The following SIGLEC10 variants were observed in gnomAD, a reference collection of about 807,000 sequenced individuals.
The protein encoded by SIGLEC10 is sialic acid-binding Ig-like lectin 10.
A neutral mutation model predicts 68.3 loss-of-function variants in SIGLEC10; 45 were observed. That is an observed-to-expected ratio of 0.66 (90% CI 0.52 to 0.84). SIGLEC10 has a LOEUF of 0.84. SIGLEC10 is among the 40% of genes least tolerant of loss of function. SIGLEC10 has a pLI of 0.00. For missense variants in SIGLEC10, 789 were observed against 883.1 expected, an observed-to-expected ratio of 0.89 and a Z score of 1.35; for synonymous variants, 379 against 370.8, an observed-to-expected ratio of 1.02 and a Z score of -0.26.
Position 51,413,729 on chromosome 19 carries a change from G to A in SIGLEC10, c.1804C>T (p.Pro602Ser), listed in dbSNP as rs1988223521. ...ACACTCACCAGGGGGCCAGCCGTCG[G>A]GACCACATTGATGTAATCCAGGATC... Reference protein sequence around the residue: ...STILDYINVVPTAGPLAQKRN... With the variant: ...STILDYINVVSTAGPLAQKRN... Residue 602 changes from proline to serine, a missense_variant, in exon 10 of 11, where the codon CCG (proline) becomes TCG (serine). Pro to Ser is a moderately conservative substitution (Grantham distance 74). Coordinates refer to ENST00000339313, the MANE Select transcript of SIGLEC10 (RefSeq NM_033130.5). 2.5e-6 allele frequency: 4 copies of A among 1,614,118 alleles called. No individual in the cohort carries two copies. In the East Asian group the frequency reaches 6.7e-5, roughly 27 times the overall value.
At position 51,415,158 on chromosome 19, in the gene SIGLEC10, G is replaced by A. The variant is rs778816564; in HGVS notation, c.1330+23C>T. On this transcript the variant is annotated intron_variant, in intron 7 of 10. Transcript: ENST00000339313. ...AGCAGGGTCCCCTTCCTGGGACCCAGGTGTCCCCTTTCCCCCACTCACAGT... is the reference window on the plus strand; with the variant it reads ...AGCAGGGTCCCCTTCCTGGGACCCAAGTGTCCCCTTTCCCCCACTCACAGT... 8.2e-6 allele frequency: 13 copies of A among 1,585,686 alleles called. No homozygotes were observed. In the Admixed American group the frequency reaches 1.6e-4, roughly 19 times the overall value.
rs147262386 is a variant in SIGLEC10, at chr19:51,415,297, G to A, written c.1214C>T (p.Ser405Leu). 7.4e-6 allele frequency: 12 copies of A among 1,613,942 alleles called. No individual in the cohort carries two copies. Among genetic ancestry groups the A allele is most frequent in the African/African-American group, 2.7e-5 (2 of 74,918 alleles). The change falls in exon 7 of 11, where the codon TCA becomes TTA. Residue 405 changes from serine (S) to leucine (L), a missense_variant. Ser to Leu is a moderately radical substitution (Grantham distance 145). Coordinates refer to ENST00000339313, the MANE Select transcript of SIGLEC10 (RefSeq NM_033130.5). Reference protein sequence around the residue: ...RGQVLSPSQPSDPGVLELPRV... With the variant: ...RGQVLSPSQPLDPGVLELPRV... ...AGGCAGCTCCAGGACCCCGGGGTCTGAGGGCTGGGAGGGGCTCAGAACCTG... is the reference window on the plus strand; with the variant it reads ...AGGCAGCTCCAGGACCCCGGGGTCTAAGGGCTGGGAGGGGCTCAGAACCTG...
At position 51,416,752 on chromosome 19, in the gene SIGLEC10, T is replaced by C. The variant is rs1988720940; in HGVS notation, c.620A>G (p.Gln207Arg). The C allele has an allele frequency of 3.7e-6, 6 of 1,614,076 alleles. No homozygotes were observed. Among genetic ancestry groups the C allele is most frequent in the Non-Finnish European group, 5.1e-6 (6 of 1,180,032 alleles). The change falls in exon 3 of 11, where the codon CAG becomes CGG. Residue 207 changes from glutamine to arginine, a missense_variant. Physicochemically the swap from Gln to Arg is conservative, Grantham distance 43 (BLOSUM62 1). Transcript: ENST00000339313. ...GCAGGTGAGGTCGGTGTTGTGGTCC[T>C]GGGGTCTGGGCGTGAAGCTGAGCAC... ...FSVLSFTPRP[Q>R]DHNTDLTCHV...
Position 51,410,953 on chromosome 19 carries a change from T to G in SIGLEC10, c.*146A>C. On this transcript the variant is annotated 3_prime_UTR_variant, in exon 11 of 11. Transcript: ENST00000339313. Reference sequence around the variant, plus strand: ...CGTGAGCCACTGTGCCCTGGCCAGATGTTTTTTTAAAAGAGAGAGAAAGAG... The same window carrying G: ...CGTGAGCCACTGTGCCCTGGCCAGAGGTTTTTTTAAAAGAGAGAGAAAGAG... 1.0e-6 allele frequency: 1 copy of G among 991,954 alleles called. No homozygotes were observed. Among genetic ancestry groups the G allele is most frequent in the Non-Finnish European group, 1.5e-6 (1 of 680,610 alleles). 61.4% of individuals were successfully genotyped at this position (991,954 alleles called of 1,614,324 possible). A position where few individuals can be genotyped will look rare whatever the true frequency, so the allele number is the denominator to read the frequency against.
In SIGLEC10 at chr19:51,417,635, C is replaced by T. The variant is rs946292861; in HGVS notation, c.-54G>A. 4 of 1,609,132 alleles carry T rather than the reference C, an allele frequency of 2.5e-6. No individual in the cohort carries two copies. Among genetic ancestry groups the T allele is most frequent in the African/African-American group, 1.3e-5 (1 of 74,820 alleles). On this transcript the variant is annotated 5_prime_UTR_variant, in exon 1 of 11. Transcript: ENST00000339313. ...GAGACAGGCCTGTTCTCTGGTCGTG[C>T]TGTGAGTGGCTCAGGGCTCTTGGCA...
Position 51,414,356 on chromosome 19 carries a change from G to T in SIGLEC10, c.1709+66C>A. The T allele has an allele frequency of 1.5e-6, 2 of 1,378,970 alleles. No homozygotes were observed. Among genetic ancestry groups the T allele is most frequent in the Non-Finnish European group, 2.0e-6 (2 of 978,024 alleles). The allele number at this position is 1,378,970 out of a possible 1,614,324, so 85.4% of individuals were successfully genotyped here. On this transcript the variant is annotated intron_variant, in intron 9 of 10. Coordinates refer to ENST00000339313, the MANE Select transcript of SIGLEC10 (RefSeq NM_033130.5). This position sits in a 1 kb window ranked among gnomAD's most constrained non-coding sequence, Gnocchi z 4.1. The stretch of plus-strand genomic sequence containing the variant: ...GTTGATCACGACCTTCACTCTTTCG[G>T]CCTGCAACACCTCCCCTCTTCCTGG...
Position 51,411,217 on chromosome 19 carries a change from T to G in SIGLEC10, c.1976A>C (p.Gln659Pro). Residue 659 changes from glutamine (Q) to proline (P), a missense_variant, in exon 11 of 11, where the codon CAG (glutamine) becomes CCG (proline). Coordinates refer to ENST00000339313, the MANE Select transcript of SIGLEC10 (RefSeq NM_033130.5). The part of the protein sequence containing the change: ...PKSSTQAPES[Q>P]ESQEELHYAT... ...ATAATGGAGCTCCTCTTGGCTCTCC[T>G]GGGATTCTGGGGCTTGAGTGGATGA... The G allele has an allele frequency of 6.2e-7, 1 of 1,614,152 alleles. No homozygotes were observed. The highest frequency in any genetic ancestry group is 8.5e-7 in the Non-Finnish European group (1 of 1,180,030).
In SIGLEC10 at chr19:51,416,473, C is replaced by T. The variant is rs142071222; in HGVS notation, c.707-116G>A. The T allele has an allele frequency of 1.6e-3, 2,591 of 1,603,962 alleles. 9 individuals carry two copies. Among genetic ancestry groups the T allele is most frequent in the African/African-American group, 0.016 (1,206 of 74,850 alleles). Reference sequence around the variant, plus strand: ...TCCCGGGAAGACAAGTGACAACCAGCGCCAGGGCTCACGTGTGTGGACCAG... The same window carrying T: ...TCCCGGGAAGACAAGTGACAACCAGTGCCAGGGCTCACGTGTGTGGACCAG... On this transcript the variant is annotated intron_variant, in intron 3 of 10. Coordinates refer to ENST00000339313, the MANE Select transcript of SIGLEC10 (RefSeq NM_033130.5).
chr19:51,417,363 C>T lies in SIGLEC10; in HGVS notation c.140G>A (p.Arg47Gln), dbSNP rs75355870. 5.0e-4 allele frequency: 805 copies of T among 1,614,176 alleles called. 11 individuals are homozygous for T. The East Asian group carries it at 0.015, about 30-fold the overall frequency. The change falls in exon 2 of 11, where the codon CGA becomes CAA. Residue 47 changes from arginine to glutamine, a missense_variant. By Grantham distance (43) the Arg-to-Gln change is conservative. Transcript: ENST00000339313. ...TGGGGTAGACCCTGTCCAGTCCTGT[C>T]GGGGGTAGGAGAAAGAGCAGGGCAC... ...ISVPCSFSYP[R>Q]QDWTGSTPAY...
chr19:51,415,989 G>A lies in SIGLEC10; in HGVS notation c.933C>T (p.Pro311=), dbSNP rs199660336. Residue 311 remains proline, a synonymous_variant, in exon 5 of 11, where the codon CCC becomes CCT. Transcript: ENST00000339313. ...GCCCTGAATCCCCAGCCTTCACCCC[G>A]GGCAGCTCCAGCCCCAGGGGTCTAG... The part of the protein sequence containing the change: ...WGPRPLGLEL[P]GVKAGDSGRY... The A allele has an allele frequency of 8.6e-3, 13,864 of 1,603,700 alleles. 113 individuals are homozygous for A. Among genetic ancestry groups the A allele is most frequent in the Middle Eastern group, 0.012 (65 of 5,600 alleles).
At chr19:51,416,618 C>T (rs569661331) in intron 3 of SIGLEC10, 48 bp downstream of exon 3, 1 of 1,610,546 alleles carries the variant, frequency 6.2e-7, no homozygotes, top group Non-Finnish European at 8.5e-7. Flanking sequence ...TCCACCTCCC[C>T]ACCCACCGGG....
rs771436848 is a variant in SIGLEC10, at chr19:51,414,529, G to A, written c.1616-14C>T. 5 of 1,612,038 alleles carry A rather than the reference G, an allele frequency of 3.1e-6. No homozygotes were observed. Among genetic ancestry groups the A allele is most frequent in the Non-Finnish European group, 4.2e-6 (5 of 1,178,630 alleles). On this transcript the variant is annotated splice_polypyrimidine_tract_variant and intron_variant, in intron 8 of 10. Coordinates refer to ENST00000339313, the MANE Select transcript of SIGLEC10 (RefSeq NM_033130.5). This position sits in a 1 kb window ranked among gnomAD's most constrained non-coding sequence, Gnocchi z 4.1. Reference sequence around the variant, plus strand: ...GTCCCTTCTTATCTGCACACGGAGAGGGCAAGGTGAGCATTTCCCATCCAC... The same window carrying A: ...GTCCCTTCTTATCTGCACACGGAGAAGGCAAGGTGAGCATTTCCCATCCAC...
At chr19:51,415,859 C>T (rs1988567756) in intron 5 of SIGLEC10, 39 bp downstream of exon 5, 5 of 1,610,956 alleles carry the variant, frequency 3.1e-6, no homozygotes, top group Non-Finnish European at 4.2e-6. Flanking sequence ...ATCCCTCTGC[C>T]CTCCCAATGG....
At chr19:51,417,057 C>T (rs1988766898) in intron 2 of SIGLEC10, 25 bp downstream of exon 2, 1 of 1,608,186 alleles carries the variant, frequency 6.2e-7, no homozygotes, top group African/African-American at 1.3e-5. Context: ...GTGTGAGAGG[C>T]AGGGGTTCCC....
At position 51,417,213 on chromosome 19, in the gene SIGLEC10, G is replaced by A; in HGVS notation, c.290C>T (p.Ala97Val). The change falls in exon 2 of 11, where the codon GCC becomes GTC. Residue 97 changes from alanine (A) to valine (V), a missense_variant. Transcript: ENST00000339313. ...RGRFQLTGDP[A>V]KGNCSLVIRD... ...GATCACCAAGGAGCAGTTCCCCTTG[G>A]CGGGATCCCCAGTGAGCTGGAATCG... 6.2e-7 allele frequency: 1 copy of A among 1,614,182 alleles called. No individual in the cohort carries two copies. Among genetic ancestry groups the A allele is most frequent in the Non-Finnish European group, 8.5e-7 (1 of 1,180,034 alleles).
Position 51,416,136 on chromosome 19 carries a change from T to G in SIGLEC10, c.786A>C (p.Pro262=). The G allele has an allele frequency of 1.2e-6, 2 of 1,605,082 alleles. No homozygotes were observed. Among genetic ancestry groups the G allele is most frequent in the Non-Finnish European group, 1.7e-6 (2 of 1,176,660 alleles). ...ALEPQPQGNV[P]YLEAQKGQFL... is the part of the protein sequence containing the mutation. The stretch of plus-strand genomic sequence containing the variant: ...ACTGGCCTTTTTGGGCTTCCAGGTA[T>G]GGGACATTTCCCTGGGGCTGGGGCT... The change falls in exon 5 of 11, where the codon CCA becomes CCC. Residue 262 remains proline (P), a synonymous_variant. Coordinates refer to ENST00000339313, the MANE Select transcript of SIGLEC10 (RefSeq NM_033130.5).
intron 4 of SIGLEC10, 25 bp downstream of exon 4, chr19:51,416,285 G>A: frequency 6.2e-7 from 1 of 1,613,960 alleles, no homozygotes; most frequent in Non-Finnish European, 8.5e-7. Flanking sequence ...AACTGGCCCA[G>A]CCCCAGCCCG....
rs1988303924 is a variant in SIGLEC10, at chr19:51,414,272, A to G, written c.1709+150T>C. 4.5e-6 allele frequency: 3 copies of G among 670,388 alleles called. No homozygotes were observed. Among genetic ancestry groups the G allele is most frequent in the South Asian group, 1.8e-5 (1 of 54,084 alleles). 41.5% of individuals were successfully genotyped at this position (670,388 alleles called of 1,614,324 possible). ...AGACGCAGTTTGTCAGTTGGACAAC[A>G]TTCTGCATTTATGAGAACAGTTTGC... On this transcript the variant is annotated intron_variant, in intron 9 of 10. Transcript: ENST00000339313. This position sits in a 1 kb window ranked among gnomAD's most constrained non-coding sequence, Gnocchi z 4.1.
At position 51,413,660 on chromosome 19, in the gene SIGLEC10, G is replaced by T. The variant is rs149439484; in HGVS notation, c.1821+52C>A. On this transcript the variant is annotated intron_variant, in intron 10 of 10. Transcript: ENST00000339313. ...CAAGGGGTGCAAAAGTCAGAAAGTG[G>T]GATGTCAGCTTTAGAGAAGAGAAAA... 436 of 1,503,244 alleles carry T rather than the reference G, an allele frequency of 2.9e-4. 2 individuals carry two copies. In the East Asian group the frequency reaches 8.5e-3, roughly 29 times the overall value. 93.1% of individuals were successfully genotyped at this position (1,503,244 alleles called of 1,614,324 possible). A position where few individuals can be genotyped will look rare whatever the true frequency, so the allele number is the denominator to read the frequency against.
Sources: allele counts gnomAD v4.1 joint callset, GRCh38; gene constraint gnomAD v4.1.1; non-coding constraint Gnocchi (gnomAD v3.1); transcripts MANE v1.5; gene names NCBI Gene and HGNC (gene_info 2026-07-23, HGNC 2026-07-21).